The following KAZN variants were observed in gnomAD, a reference collection of about 807,000 sequenced individuals.
KAZN encodes the protein kazrin, periplakin interacting protein.
Under a neutral mutation model 87.4 loss-of-function variants are expected in KAZN, and 40 were observed. The observed-to-expected ratio is 0.46, with a 90% CI of 0.36 to 0.60. The LOEUF (loss-of-function observed/expected upper bound fraction) is 0.60, where lower values mean the gene tolerates loss of function less well. Among genes scored for constraint, KAZN ranks in the 20% least tolerant of loss-of-function variants. The pLI is 0.00. For synonymous variants in KAZN, 466 were observed against 458.3 expected, an observed-to-expected ratio of 1.02 and a Z score of -0.22; for missense variants, 898 against 1,073.9, an observed-to-expected ratio of 0.84 and a Z score of 2.29.
chr1:14,077,352 G>A (rs1195770524), intron 1 of KAZN, among the ~76,000 whole-genome samples: 1 of 152,126 alleles, frequency 6.6e-6, no homozygotes, highest in Non-Finnish European at 1.5e-5. Flanking sequence ...TAATGAAAAG[G>A]TTTTTTCTAG....
At chr1:14,916,912 C>CA (rs34571740) in intron 1 of KAZN, among the ~76,000 whole-genome samples, 28,446 of 141,648 alleles carry the variant, frequency 0.2, 2,986 homozygotes, top group South Asian at 0.28. Flanking sequence ...GACCTTGTCT[C>CA]AAAAAAAAAA....
intron 2 of KAZN, among the ~76,000 whole-genome samples, chr1:14,446,966 T>G (rs1667016472): frequency 6.6e-6 from 1 of 152,164 alleles, no homozygotes; most frequent in Admixed American, 6.5e-5. Flanking sequence ...TATATAGGGA[T>G]GTTACATGAT....
chr1:14,567,690 C>A (rs1385825450), intron 2 of KAZN, among the ~76,000 whole-genome samples: 1 of 152,150 alleles, frequency 6.6e-6, no homozygotes, highest in Non-Finnish European at 1.5e-5. Context: ...TGCTCATATT[C>A]AAAAACATAT....
intron 1 of KAZN, among the ~76,000 whole-genome samples, chr1:14,882,376 C>G (rs1237358086): frequency 6.6e-6 from 1 of 152,208 alleles, no homozygotes; most frequent in Non-Finnish European, 1.5e-5. Context: ...GCCCTAAAGA[C>G]TCTTCCATGT....
chr1:14,295,632 A>G (rs1396555502), intron 2 of KAZN, among the ~76,000 whole-genome samples: 1 of 152,186 alleles, frequency 6.6e-6, no homozygotes, highest in Non-Finnish European at 1.5e-5. Context: ...ACATAAAAAC[A>G]CATAGGCATG....
intron 1 of KAZN, among the ~76,000 whole-genome samples, chr1:14,774,976 C>A (rs4661303): frequency 6.6e-6 from 1 of 152,120 alleles, no homozygotes; most frequent in Admixed American, 6.5e-5. Flanking sequence ...AAAGCAGACA[C>A]GGTCCTGCCC....
chr1:14,938,059 G>C (rs2101621036), intron 1 of KAZN, among the ~76,000 whole-genome samples: 1 of 152,328 alleles, frequency 6.6e-6, no homozygotes, highest in South Asian at 2.1e-4. Context: ...GGCTCTGAGT[G>C]TGGGGACGTT....
intron 2 of KAZN, among the ~76,000 whole-genome samples, chr1:14,257,945 A>AT (rs986553372): frequency 3.0e-5 from 4 of 131,746 alleles, no homozygotes; most frequent in African/African-American, 1.2e-4. Context: ...GAGTATAATA[A>AT]AAAAAAAAAA....
chr1:14,370,896 G>A (rs994247660), intron 2 of KAZN, among the ~76,000 whole-genome samples: 1 of 152,124 alleles, frequency 6.6e-6, no homozygotes, highest in African/African-American at 2.4e-5. Context: ...TGTTGTCCAT[G>A]CTGATTTCAA....
intron 1 of KAZN, among the ~76,000 whole-genome samples, chr1:13,910,505 TAA>T (rs1225004295): frequency 2.1e-5 from 3 of 142,848 alleles, no homozygotes; most frequent in Admixed American, 1.4e-4. Context: ...AGACTCTGTC[TAA>T]AAAAAAAAAA....
intron 1 of KAZN, among the ~76,000 whole-genome samples, chr1:14,670,808 T>A (rs978869744): frequency 7.9e-5 from 12 of 152,246 alleles, no homozygotes; most frequent in Non-Finnish European, 1.6e-4. Flanking sequence ...GTGACCCCTG[T>A]GCAGCTGGTC....
intron 1 of KAZN, among the ~76,000 whole-genome samples, chr1:14,885,375 C>T (rs1054342233): frequency 3.3e-5 from 5 of 152,158 alleles, no homozygotes; most frequent in African/African-American, 1.2e-4. Flanking sequence ...CCCTTCTCTC[C>T]ACCTATTGAA....
intron 2 of KAZN, among the ~76,000 whole-genome samples, chr1:14,419,400 C>T (rs1168290115): frequency 6.6e-6 from 1 of 151,204 alleles, no homozygotes; most frequent in Non-Finnish European, 1.5e-5. Context: ...CACCATCCCT[C>T]CCAGCCCATT....
intron 1 of KAZN, among the ~76,000 whole-genome samples, chr1:14,914,783 G>A (rs544890603): frequency 6.0e-4 from 91 of 152,070 alleles, no homozygotes; most frequent in African/African-American, 2.1e-3. Flanking sequence ...TGTGATGTGG[G>A]GCAACCTGCT....
chr1:15,073,842 G>A (rs1434454159), intron 8 of KAZN, among the ~76,000 whole-genome samples: 3 of 152,214 alleles, frequency 2.0e-5, no homozygotes, highest in Admixed American at 1.3e-4. Context: ...ATGGACACCA[G>A]ACCATGAGCC....
intron 2 of KAZN, among the ~76,000 whole-genome samples, chr1:14,491,076 A>G (rs918330525): frequency 6.6e-6 from 1 of 152,164 alleles, no homozygotes; most frequent in Non-Finnish European, 1.5e-5. Context: ...TTGTATCTCA[A>G]AAAGATTTTT....
chr1:14,398,368 A>G (rs1404955959), intron 2 of KAZN, among the ~76,000 whole-genome samples: 3 of 152,252 alleles, frequency 2.0e-5, no homozygotes, highest in African/African-American at 7.2e-5. Flanking sequence ...AAGGCACCTC[A>G]ATTTCCTTAT....
At chr1:14,048,261 A>G (rs928447661) in intron 1 of KAZN, among the ~76,000 whole-genome samples, 2 of 152,140 alleles carry the variant, frequency 1.3e-5, no homozygotes, top group Admixed American at 6.5e-5. Flanking sequence ...ATGTATCTCA[A>G]TATTTCTTAA....
chr1:13,945,710 T>TGTGTGTGTGTGAGAGA (rs757118365), intron 1 of KAZN, among the ~76,000 whole-genome samples: 6 of 137,270 alleles, frequency 4.4e-5, no homozygotes, highest in East Asian at 4.6e-4. Context: ...TGTGTGTGTG[T>TGTGTGTGTGTGAGAGA]GAGAGAGAGA....
Sources: gnomAD v4.1 joint callset for allele counts (sites outside exome capture counted in the v4.1 genomes callset) on GRCh38, gnomAD v4.1.1 for gene constraint, MANE v1.5 for transcripts, NCBI Gene and HGNC (gene_info 2026-07-23, HGNC 2026-07-21) for gene names.